The following DOCK11 variants were observed in gnomAD, a reference collection of about 807,000 sequenced individuals.
DOCK11 encodes dedicator of cytokinesis protein 11.
DOCK11 carries 70 observed loss-of-function variants against 169.1 expected under a neutral mutation model. The ratio of observed to expected loss-of-function variants is 0.41; its 90% CI spans 0.34 to 0.51. The LOEUF (loss-of-function observed/expected upper bound fraction) is 0.51. DOCK11 is among the 20% of genes least tolerant of loss of function. DOCK11 has a pLI of 0.10. For missense variants in DOCK11, 1,166 were observed against 1,538.8 expected (o/e 0.76, Z 4.05); for synonymous variants, 529 against 541.3 (o/e 0.98, Z 0.32).
intron 10 of DOCK11, among the ~76,000 whole-genome samples, chrX:118,569,239 T>A (rs1329820988): frequency 1.6e-4 from 17 of 108,163 alleles, no homozygotes; most frequent in Non-Finnish European, 3.8e-5. Context: ...ATTACAGGCA[T>A]GCACCACCAC....
chrX:118,615,526 A>G, intron 29 of DOCK11, 74 bp from the exon 30 acceptor site: 1 of 825,736 alleles, frequency 1.2e-6, no homozygotes, highest in Non-Finnish European at 1.8e-6. Context: ...GTGAAAAATA[A>G]TGCGCTGTAT....
At chrX:118,653,808 A>T (rs1020780445) in intron 42 of DOCK11, among the ~76,000 whole-genome samples, 2 of 112,031 alleles carry the variant, frequency 1.8e-5, no homozygotes, top group Admixed American at 9.5e-5. Context: ...ATCATCTCTG[A>T]ATCATATAGA....
At position 118,660,442 on chromosome X, in the gene DOCK11, A is replaced by G. The variant is rs752093307; in HGVS notation, c.4970-2244A>G. On this transcript the variant is annotated intron_variant, in intron 44 of 52. Transcript: ENST00000276202. ...CTTATCTTCAGAAATGAAGCAGGCT[A>G]TGTTTTATCTTCAGCGCCTTTTATT... is the stretch of plus-strand genomic sequence containing the variant. Among the ~76,000 whole-genome samples, 4 of 111,214 alleles carry G rather than the reference A, an allele frequency of 3.6e-5. No homozygotes were observed. The South Asian group carries it at 1.5e-3, about 42-fold the overall frequency.
chrX:118,566,319 G>C, intron 8 of DOCK11, 137 bp downstream of exon 8: 1 of 633,287 alleles, frequency 1.6e-6, no homozygotes, highest in Admixed American at 4.0e-5. Context: ...TGACTGTGGA[G>C]GTTGATAGAC....
intron 44 of DOCK11, among the ~76,000 whole-genome samples, chrX:118,655,385 C>G (rs1442860988): frequency 9.0e-6 from 1 of 111,639 alleles, no homozygotes; most frequent in African/African-American, 3.2e-5. Flanking sequence ...AAGACTGTCC[C>G]TCCCTGGAAG....
intron 28 of DOCK11, among the ~76,000 whole-genome samples, chrX:118,612,242 C>T (rs1470540296): frequency 1.8e-5 from 2 of 112,094 alleles, no homozygotes; most frequent in African/African-American, 6.5e-5. Flanking sequence ...CTAGGTTTCA[C>T]ACATCTTGAG....
At chrX:118,517,587 GCA>G (rs992644103) in intron 1 of DOCK11, among the ~76,000 whole-genome samples, 5 of 110,438 alleles carry the variant, frequency 4.5e-5, no homozygotes, top group Non-Finnish European at 7.6e-5. Flanking sequence ...GCATGTGTGT[GCA>G]CACACAACAT....
chrX:118,506,817 C>T (rs934037019), intron 1 of DOCK11, among the ~76,000 whole-genome samples: 1 of 112,270 alleles, frequency 8.9e-6, no homozygotes, highest in African/African-American at 3.2e-5. Flanking sequence ...GGCATGATGG[C>T]TAGTGCCTAA....
intron 31 of DOCK11, among the ~76,000 whole-genome samples, chrX:118,622,685 C>T (rs751093409): frequency 9.0e-6 from 1 of 111,444 alleles, no homozygotes; most frequent in South Asian, 3.7e-4. Flanking sequence ...TTATTATTAC[C>T]CCCATTTTAC....
At chrX:118,664,116 GAT>G (rs2016286361) in intron 45 of DOCK11, among the ~76,000 whole-genome samples, 1 of 111,011 alleles carries the variant, frequency 9.0e-6, no homozygotes, top group African/African-American at 3.3e-5. Context: ...TAATTATCCA[GAT>G]ACGAGTAGTT....
chrX:118,643,988 A>G (rs1372798814), intron 40 of DOCK11, among the ~76,000 whole-genome samples: 1 of 111,534 alleles, frequency 9.0e-6, no homozygotes, highest in Non-Finnish European at 1.9e-5. Flanking sequence ...AGGGTCTTGT[A>G]TAATATCTTG....
At chrX:118,596,526 G>A (rs1393032605) in intron 20 of DOCK11, among the ~76,000 whole-genome samples, 1 of 112,082 alleles carries the variant, frequency 8.9e-6, no homozygotes, top group Non-Finnish European at 1.9e-5. Flanking sequence ...TTTAAAAAAT[G>A]TTCTCCAGCC....
chrX:118,558,737 T>C (rs1004683921), intron 6 of DOCK11, among the ~76,000 whole-genome samples: 3 of 112,492 alleles, frequency 2.7e-5, no homozygotes, highest in Non-Finnish European at 3.8e-5. Context: ...TTAAAAATAT[T>C]CCTTACTGTC....
chrX:118,647,137 ATATGTGTG>A (rs1378958795), intron 40 of DOCK11, among the ~76,000 whole-genome samples: 58 of 68,810 alleles, frequency 8.4e-4, no homozygotes, highest in Middle Eastern at 0.012. Flanking sequence ...TGTGAAGAGG[ATATGTGTG>A]TGTGTGTGTG....
chrX:118,502,937 G>A (rs962206815), intron 1 of DOCK11, among the ~76,000 whole-genome samples: 1 of 110,863 alleles, frequency 9.0e-6, no homozygotes, highest in African/African-American at 3.3e-5. Flanking sequence ...TGTCTGGAGT[G>A]CAGTAGATTC....
chrX:118,671,261 T>G (rs1189207676), intron 46 of DOCK11, 116 bp downstream of exon 46: 9 of 625,785 alleles, frequency 1.4e-5, no homozygotes, highest in Non-Finnish European at 2.1e-5. Flanking sequence ...GAATATAAGG[T>G]TCATTACATT....
intron 1 of DOCK11, among the ~76,000 whole-genome samples, chrX:118,538,053 G>A: frequency 8.9e-6 from 1 of 111,962 alleles, no homozygotes; most frequent in South Asian, 3.7e-4. Context: ...ATAGAAAAAT[G>A]CAATTTATTC....
chrX:118,542,941 C>G lies in DOCK11; in HGVS notation c.235C>G (p.Arg79Gly). 8.3e-7 allele frequency: 1 copy of G among 1,209,751 alleles called. No homozygotes were observed. The highest frequency in any genetic ancestry group is 1.1e-6 in the Non-Finnish European group (1 of 894,701). The change falls in exon 3 of 53, where the codon CGT (arginine) becomes GGT (glycine). Residue 79 changes from arginine (R) to glycine (G), a missense_variant. Physicochemically the swap from Arg to Gly is moderately radical, Grantham distance 125. Transcript: ENST00000276202. ...MEDISISVIG[R>G]QRRTVQSTVP... ...TGTGTTCTAGATCTCGGTGATAGGT[C>G]GTCAACGCAGAACGGTGCAGTCTAC... is the stretch of plus-strand genomic sequence containing the variant.
intron 10 of DOCK11, among the ~76,000 whole-genome samples, chrX:118,571,732 C>T (rs917457538): frequency 8.9e-6 from 1 of 111,765 alleles, no homozygotes. Flanking sequence ...AGAATAAACA[C>T]ATATAAAAAG....
Sources: gnomAD v4.1 joint callset for allele counts (sites outside exome capture counted in the v4.1 genomes callset) on GRCh38, gnomAD v4.1.1 for gene constraint, MANE v1.5 for transcripts, NCBI Gene and HGNC (gene_info 2026-07-23, HGNC 2026-07-21) for gene names.